Variants in USP9X observed in about 807,000 individuals in gnomAD.
The protein encoded by USP9X is ubiquitin specific peptidase 9 X-linked.
Under a neutral mutation model 190.3 loss-of-function variants are expected in USP9X, and 7 were observed. The observed-to-expected ratio is 0.04, with a 90% confidence interval of 0.02 to 0.07. The LOEUF is 0.07. Among genes scored for constraint, USP9X ranks in the 10% least tolerant of loss-of-function variants. USP9X has a pLI of 1.00. For missense variants in USP9X, 1,010 were observed against 1,916.9 expected (o/e 0.53, Z 8.83); for synonymous variants, 645 against 659.5 (o/e 0.98, Z 0.34).
At chrX:41,092,408 A>G (rs1182432143) in intron 1 of USP9X, among the ~76,000 whole-genome samples, 2 of 111,303 alleles carry the variant, frequency 1.8e-5, no homozygotes, top group East Asian at 5.6e-4. Flanking sequence ...CCCAGAGAGC[A>G]TGGAAGTTAC....
chrX:41,176,180 T>G (rs1248674667), intron 21 of USP9X, among the ~76,000 whole-genome samples: 1 of 111,853 alleles, frequency 8.9e-6, no homozygotes. Flanking sequence ...TGTCTCTGAA[T>G]GTTGGGTCTC....
At chrX:41,095,487 T>C (rs976482045) in intron 1 of USP9X, among the ~76,000 whole-genome samples, 8 of 112,436 alleles carry the variant, frequency 7.1e-5, no homozygotes, top group Admixed American at 3.7e-4. Context: ...CTCATATGTC[T>C]TCAGACATTG....
At chrX:41,225,546 G>GGTAA (rs1209109554) in intron 41 of USP9X, among the ~76,000 whole-genome samples, 3 of 112,050 alleles carry the variant, frequency 2.7e-5, no homozygotes, top group African/African-American at 9.7e-5. Flanking sequence ...AAAGTCTTCA[G>GGTAA]GTAAGTACGG....
intron 14 of USP9X, among the ~76,000 whole-genome samples, chrX:41,153,426 G>A (rs759829442): frequency 2.7e-5 from 3 of 111,963 alleles, no homozygotes; most frequent in Non-Finnish European, 5.6e-5. Flanking sequence ...TTTTGTCTAA[G>A]TCTGTTCTTA....
rs193245879 is a variant in USP9X at position 41,184,196 on chromosome X, T to C, written c.3279+68T>C. On this transcript the variant is annotated intron_variant, in intron 22 of 44. Transcript: ENST00000378308. Reference sequence around the variant, plus strand: ...TTCCTTTTAAATTTATTCTGTGTTCTTTAAATTTGACCTTTCATATGGTAA... The same window carrying C: ...TTCCTTTTAAATTTATTCTGTGTTCCTTAAATTTGACCTTTCATATGGTAA... 1.1e-3 allele frequency: 1,212 copies of C among 1,111,102 alleles called. 2 individuals are homozygous for C. The highest frequency in any genetic ancestry group is 1.1e-3 in the Non-Finnish European group (954 of 834,905). The allele number at this position is 1,111,102 out of a possible 1,213,427, so 91.6% of individuals were successfully genotyped here.
chrX:41,171,993 G>A, intron 21 of USP9X, 35 bp downstream of exon 21: 1 of 1,200,406 alleles, frequency 8.3e-7, no homozygotes, highest in African/African-American at 1.7e-5. Context: ...AGTACTTGCT[G>A]GACAATAAAG....
At chrX:41,129,989 CAG>C (rs777292277) in intron 3 of USP9X, among the ~76,000 whole-genome samples, 6 of 111,250 alleles carry the variant, frequency 5.4e-5, no homozygotes, top group Non-Finnish European at 7.5e-5. Context: ...TATGCGTTAA[CAG>C]AAATATTTTG....
At chrX:41,201,843 T>C (rs1287551546) in intron 31 of USP9X, among the ~76,000 whole-genome samples, 1 of 111,280 alleles carries the variant, frequency 9.0e-6, no homozygotes, top group Non-Finnish European at 1.9e-5. Flanking sequence ...TGGTGGCACA[T>C]GCCTGTAGTC....
intron 33 of USP9X, among the ~76,000 whole-genome samples, chrX:41,211,870 C>T (rs1174825366): frequency 8.9e-6 from 1 of 112,008 alleles, no homozygotes; most frequent in African/African-American, 3.2e-5. Context: ...GCCAGCCGCC[C>T]CATCCGGGAG....
intron 38 of USP9X, among the ~76,000 whole-genome samples, chrX:41,220,445 A>ATT (rs982739172): frequency 1.2e-4 from 13 of 112,433 alleles, no homozygotes; most frequent in Admixed American, 8.5e-4. Flanking sequence ...ATGCATTGGG[A>ATT]TTGAGAATTG....
At chrX:41,185,712 A>G (rs1251337735) in intron 23 of USP9X, among the ~76,000 whole-genome samples, 2 of 110,196 alleles carry the variant, frequency 1.8e-5, no homozygotes, top group Non-Finnish European at 3.8e-5. Flanking sequence ...TGTTAGGATA[A>G]AAACAGATTT....
Position 41,218,459 on chromosome X carries a change from C to T in USP9X, c.6297C>T (p.Arg2099=). Residue 2099 remains arginine (R), a synonymous_variant, in exon 37 of 45, where the codon CGC becomes CGT. Coordinates refer to ENST00000378308, the MANE Select transcript of USP9X (RefSeq NM_001039591.3). ...ACGTCCTTTTTAATGTTTCAAATCG[C>T]TTCTCCGAATACCTTCTGGAGTGCC... The part of the protein sequence containing the change: ...AHNVLFNVSN[R]FSEYLLECPS... 8.3e-7 allele frequency: 1 copy of T among 1,211,681 alleles called. No homozygotes were observed. The highest frequency in any genetic ancestry group is 1.1e-6 in the Non-Finnish European group (1 of 895,523).
intron 1 of USP9X, among the ~76,000 whole-genome samples, chrX:41,101,695 T>TA (rs2062035945): frequency 9.0e-6 from 1 of 111,406 alleles, no homozygotes. Context: ...AAAAAATAAA[T>TA]AAATAATGAC....
In USP9X at chrX:41,171,831, A is replaced by G. The variant is rs115310559; in HGVS notation, c.3028-7A>G. The G allele has an allele frequency of 1.1e-3, 1,338 of 1,205,051 alleles. 6 individuals are homozygous for G. The African/African-American group carries it at 0.017, about 15-fold the overall frequency. On this transcript the variant is annotated splice_region_variant and splice_polypyrimidine_tract_variant and intron_variant, in intron 20 of 44. Coordinates refer to ENST00000378308, the MANE Select transcript of USP9X (RefSeq NM_001039591.3). Reference sequence around the variant, plus strand: ...GAGGTAATTATTTTGTGTATTTTATATTCTAGATAATGTCACTGCATCCCA... The same window carrying G: ...GAGGTAATTATTTTGTGTATTTTATGTTCTAGATAATGTCACTGCATCCCA...
At chrX:41,231,740 A>G (rs1183539297) in intron 44 of USP9X, among the ~76,000 whole-genome samples, 2 of 109,994 alleles carry the variant, frequency 1.8e-5, no homozygotes, top group Non-Finnish European at 3.8e-5. Flanking sequence ...TCAAAAAAAA[A>G]AAAAAAAAAG....
chrX:41,219,683 C>A (rs1014836147), intron 38 of USP9X, among the ~76,000 whole-genome samples: 5 of 111,922 alleles, frequency 4.5e-5, no homozygotes, highest in Non-Finnish European at 9.4e-5. Context: ...AATATAAATA[C>A]TCGCTTAAAA....
At chrX:41,181,269 T>C (rs2062822091) in intron 21 of USP9X, among the ~76,000 whole-genome samples, 1 of 91,553 alleles carries the variant, frequency 1.1e-5, no homozygotes, top group Admixed American at 1.4e-4. Context: ...CTATTTCTCA[T>C]TTCTTTTTTT....
chrX:41,136,572 T>C (rs758172299), intron 5 of USP9X, among the ~76,000 whole-genome samples: 3 of 112,384 alleles, frequency 2.7e-5, no homozygotes, highest in South Asian at 3.7e-4. Context: ...AGATATCTTA[T>C]GGTGCCTCTT....
chrX:41,206,938 A>G (rs893526709), intron 32 of USP9X, among the ~76,000 whole-genome samples: 1 of 108,153 alleles, frequency 9.2e-6, no homozygotes, highest in Non-Finnish European at 1.9e-5. Context: ...GCGTGGGCCA[A>G]CCATGCCCGG....
Sources: gnomAD v4.1 joint callset for allele counts (sites outside exome capture counted in the v4.1 genomes callset) on GRCh38, gnomAD v4.1.1 for gene constraint, MANE v1.5 for transcripts, NCBI Gene and HGNC (gene_info 2026-07-23, HGNC 2026-07-21) for gene names.